ATG14: variants seen among roughly 807,000 people sequenced by gnomAD.
The protein encoded by ATG14 is beclin 1-associated autophagy-related key regulator.
Under a neutral mutation model 60.4 loss-of-function variants are expected in ATG14, and 35 were observed. The ratio of observed to expected loss-of-function variants is 0.58; its 90% CI spans 0.44 to 0.77. The LOEUF (loss-of-function observed/expected upper bound fraction) is 0.77, where lower values mean the gene tolerates loss of function less well. Among genes scored for constraint, ATG14 ranks in the 30% least tolerant of loss-of-function variants. ATG14 has a pLI of 0.00. For missense variants in ATG14, 647 were observed against 626.3 expected (o/e 1.03, Z -0.35); for synonymous variants, 234 against 228.8 (o/e 1.02, Z -0.21).
At chr14:55,400,139 A>G (rs557091680) in intron 1 of ATG14, among the ~76,000 whole-genome samples, 351 of 152,326 alleles carry the variant, frequency 2.3e-3, no homozygotes, top group Non-Finnish European at 4.0e-3. Context: ...TGCGTGGGTC[A>G]GGGCTGCAAC....
intron 4 of ATG14, among the ~76,000 whole-genome samples, chr14:55,389,901 AAAGTGTACAAATAT>A (rs1885185521): frequency 6.6e-6 from 1 of 152,228 alleles, no homozygotes; most frequent in Admixed American, 6.5e-5. Context: ...GATAAAGTAT[AAAGTGTACAAATAT>A]GATGTAAGAT....
At chr14:55,376,434 G>A (rs577093631) in intron 9 of ATG14, among the ~76,000 whole-genome samples, 1 of 152,200 alleles carries the variant, frequency 6.6e-6, no homozygotes, top group African/African-American at 2.4e-5. Flanking sequence ...ACCAATGAAT[G>A]GGATCAGGGG....
At chr14:55,390,031 C>G (rs2140138983) in intron 4 of ATG14, among the ~76,000 whole-genome samples, 1 of 151,480 alleles carries the variant, frequency 6.6e-6, no homozygotes, top group East Asian at 1.9e-4. Flanking sequence ...AGTTAAGACT[C>G]TGAGCTTCCT....
chr14:55,400,300 G>A (rs1490485151), intron 1 of ATG14, among the ~76,000 whole-genome samples: 1 of 152,098 alleles, frequency 6.6e-6, no homozygotes, highest in Non-Finnish European at 1.5e-5. Context: ...CAAATTTAAT[G>A]ATACATATTA....
chr14:55,383,319 G>A (rs1338132187), intron 5 of ATG14, among the ~76,000 whole-genome samples: 1 of 152,170 alleles, frequency 6.6e-6, no homozygotes, highest in Non-Finnish European at 1.5e-5. Flanking sequence ...GGAAGGCTGA[G>A]GCAGGCAGAT....
chr14:55,397,300 C>T (rs565715831), intron 2 of ATG14, 72 bp downstream of exon 2: 208 of 1,288,882 alleles, frequency 1.6e-4, no homozygotes, highest in Non-Finnish European at 2.0e-4. Flanking sequence ...TATCTGCATA[C>T]CACAGCACTG....
chr14:55,393,208 C>T (rs202201682), intron 3 of ATG14, among the ~76,000 whole-genome samples: 117 of 141,684 alleles, frequency 8.3e-4, no homozygotes, highest in African/African-American at 1.9e-3. Context: ...GGTGAAACCC[C>T]GTCTCTACTA....
chr14:55,366,843 C>T lies in ATG14; in HGVS notation c.*2776G>A, dbSNP rs1373601573. The T allele has an allele frequency of 6.6e-6, 1 of 152,558 alleles. No individual in the cohort carries two copies. Among genetic ancestry groups the T allele is most frequent in the Non-Finnish European group, 1.5e-5 (1 of 68,036 alleles). 9.5% of individuals were successfully genotyped at this position (152,558 alleles called of 1,614,324 possible). On this transcript the variant is annotated 3_prime_UTR_variant, in exon 10 of 10. Transcript: ENST00000247178. Reference sequence around the variant, plus strand: ...TGTTTACATATGGTTCTGGCACCTACATGAAAGATTTTAATGAGCAGCAAA... The same window carrying T: ...TGTTTACATATGGTTCTGGCACCTATATGAAAGATTTTAATGAGCAGCAAA...
intron 5 of ATG14, among the ~76,000 whole-genome samples, chr14:55,382,420 A>G (rs1431397785): frequency 6.6e-6 from 1 of 152,096 alleles, no homozygotes; most frequent in Non-Finnish European, 1.5e-5. Flanking sequence ...GACTCCAGAG[A>G]TACTCCTGCC....
intron 5 of ATG14, among the ~76,000 whole-genome samples, chr14:55,385,397 A>G (rs1010425935): frequency 1.3e-5 from 2 of 152,158 alleles, no homozygotes; most frequent in African/African-American, 4.8e-5. Flanking sequence ...GGTTCAAGCA[A>G]TTCTCCTGCC....
chr14:55,382,784 A>G (rs2140132053), intron 5 of ATG14, among the ~76,000 whole-genome samples: 1 of 152,328 alleles, frequency 6.6e-6, no homozygotes, highest in Admixed American at 6.5e-5. Flanking sequence ...AAGGTTCTCA[A>G]ACTACTTGGT....
intron 9 of ATG14, among the ~76,000 whole-genome samples, chr14:55,375,911 G>C (rs1173830608): frequency 6.6e-6 from 1 of 152,158 alleles, no homozygotes; most frequent in Non-Finnish European, 1.5e-5. Flanking sequence ...TTCCTTGTAG[G>C]TTTATGATAG....
At chr14:55,379,764 C>G (rs1035298192) in intron 7 of ATG14, among the ~76,000 whole-genome samples, 1 of 152,180 alleles carries the variant, frequency 6.6e-6, no homozygotes, top group African/African-American at 2.4e-5. Flanking sequence ...TTCCGTCACT[C>G]AGGCTGGAGT....
At chr14:55,392,902 A>G (rs1355833318) in intron 3 of ATG14, among the ~76,000 whole-genome samples, 4 of 152,282 alleles carry the variant, frequency 2.6e-5, no homozygotes, top group East Asian at 1.9e-4. Flanking sequence ...GTTCAGAAAT[A>G]TATCAGATAT....
At chr14:55,410,456 T>C (rs570377402) in intron 1 of ATG14, among the ~76,000 whole-genome samples, 7 of 152,254 alleles carry the variant, frequency 4.6e-5, no homozygotes, top group Non-Finnish European at 8.8e-5. Flanking sequence ...TATCACTTAC[T>C]ACATAAGCAG....
intron 5 of ATG14, among the ~76,000 whole-genome samples, chr14:55,385,535 CG>C (rs1357070447): frequency 2.0e-5 from 3 of 152,176 alleles, no homozygotes; most frequent in Non-Finnish European, 4.4e-5. Flanking sequence ...TCAGGTGATT[CG>C]CCTGCCTCGG....
chr14:55,404,233 G>T (rs1449237002), intron 1 of ATG14, among the ~76,000 whole-genome samples: 2 of 152,220 alleles, frequency 1.3e-5, no homozygotes, highest in Non-Finnish European at 1.5e-5. Flanking sequence ...TAGGGCTGGA[G>T]ACTTTCACTT....
rs1423883842 is a variant in ATG14, at chr14:55,369,461, T to TA, written c.*157dup. On this transcript the variant is annotated 3_prime_UTR_variant, in exon 10 of 10. Transcript: ENST00000247178. ...TCACCATCACAGGCCACTTGGCAAA[T>TA]AGAAATGTTTGTCTCCCTGCTTAAA... 1 of 676,264 alleles carries TA rather than the reference T, an allele frequency of 1.5e-6. No homozygotes were observed. Among genetic ancestry groups the TA allele is most frequent in the Non-Finnish European group, 2.2e-6 (1 of 445,588 alleles). 41.9% of individuals were successfully genotyped at this position (676,264 alleles called of 1,614,324 possible).
At chr14:55,374,369 C>A (rs1351163826) in intron 9 of ATG14, among the ~76,000 whole-genome samples, 1 of 152,132 alleles carries the variant, frequency 6.6e-6, no homozygotes, top group Admixed American at 6.5e-5. Flanking sequence ...ATGTTTTAAT[C>A]TTTTGTCTAT....
Sources: gnomAD v4.1 joint callset for allele counts (sites outside exome capture counted in the v4.1 genomes callset) on GRCh38, gnomAD v4.1.1 for gene constraint, MANE v1.5 for transcripts, NCBI Gene and HGNC (gene_info 2026-07-23, HGNC 2026-07-21) for gene names.